FGF14: variants seen among roughly 807,000 people sequenced by gnomAD.
FGF14 encodes the protein fibroblast growth factor homologous factor 4.
In FGF14, 5 loss-of-function variants were observed where a neutral mutation model predicts 25.5. That is an observed-to-expected ratio of 0.20 (90% CI 0.10 to 0.41). The LOEUF is 0.41. Ranked by LOEUF, FGF14 falls within the 10% of genes least tolerant of loss-of-function variation. The probability of loss-of-function intolerance (pLI) is 1.00; values close to 1 mark genes in which losing one functional copy is unlikely to be tolerated. For missense variants in FGF14, 222 were observed against 320.1 expected, an observed-to-expected ratio of 0.69 and a Z score of 2.34; for synonymous variants, 138 against 118.3, an observed-to-expected ratio of 1.17 and a Z score of -1.08.
rs921200055 is a variant in FGF14 at position 102,105,759 on chromosome 13, C to T, written c.209-230463G>A. On this transcript the variant is annotated intron_variant, in intron 1 of 4. Transcript: ENST00000376131. ...AGCGGAAAAAATTAAATAGGAACTG[C>T]CTGTCATTTTGTAAACTCAATTTTC... Among the ~76,000 whole-genome samples the T allele has an allele frequency of 2.6e-5, 4 of 152,270 alleles. No homozygotes were observed. The East Asian group carries it at 5.8e-4, about 22-fold the overall frequency.
Position 102,400,675 on chromosome 13 carries a change from C to A in FGF14, c.208+796G>T, listed in dbSNP as rs745709787. Among the ~76,000 whole-genome samples, 29 of 152,214 alleles carry A rather than the reference C, an allele frequency of 1.9e-4. No individual in the cohort carries two copies. The highest frequency in any genetic ancestry group is 3.1e-4 in the Non-Finnish European group (21 of 68,032). The stretch of plus-strand genomic sequence containing the variant: ...GTTGGAGCCCTTTGGAATCGGGGCG[C>A]ATGATCACCAGTAGGCTTAAAAGCA... On this transcript the variant is annotated intron_variant, in intron 1 of 4. Transcript: ENST00000376131. The surrounding 1 kb of genome is among the most constrained non-coding windows in gnomAD (Gnocchi z 4.3).
chr13:102,016,577 G>T (rs1046078980), intron 1 of FGF14, among the ~76,000 whole-genome samples: 11 of 151,998 alleles, frequency 7.2e-5, no homozygotes, highest in African/African-American at 2.7e-4. Context: ...TTTTCCAAAG[G>T]CAAAAGATTT....
chr13:102,042,154 T>C (rs1346220755), intron 1 of FGF14, among the ~76,000 whole-genome samples: 1 of 152,164 alleles, frequency 6.6e-6, no homozygotes, highest in African/African-American at 2.4e-5. Context: ...ACCTAGCACA[T>C]GATAGGAACT....
At chr13:102,296,843 G>C (rs1379096688) in intron 1 of FGF14, among the ~76,000 whole-genome samples, 1 of 152,200 alleles carries the variant, frequency 6.6e-6, no homozygotes. Context: ...TCCTCATAAA[G>C]AGGCCAAACT....
chr13:101,786,085 G>A (rs1034271133), intron 3 of FGF14, among the ~76,000 whole-genome samples: 5 of 152,126 alleles, frequency 3.3e-5, no homozygotes, highest in Non-Finnish European at 7.4e-5. Context: ...AACAAACAGC[G>A]CTGGCTGCTC....
intron 1 of FGF14, among the ~76,000 whole-genome samples, chr13:102,073,755 A>G (rs1012026233): frequency 2.6e-5 from 4 of 152,344 alleles, no homozygotes; most frequent in African/African-American, 7.2e-5. Context: ...CTATGATTAT[A>G]CTTGCATTAA....
intron 1 of FGF14, among the ~76,000 whole-genome samples, chr13:102,228,936 C>T (rs763173354): frequency 6.6e-6 from 1 of 152,160 alleles, no homozygotes; most frequent in Non-Finnish European, 1.5e-5. Context: ...ACATACAGTT[C>T]TCAAGACTAC....
At chr13:102,101,992 C>T (rs2044685729) in intron 1 of FGF14, among the ~76,000 whole-genome samples, 1 of 152,148 alleles carries the variant, frequency 6.6e-6, no homozygotes, top group South Asian at 2.1e-4. Context: ...CGTGAGCCAC[C>T]ACACCCAGCC....
chr13:102,292,305 A>AAAAAAC (rs199609949), intron 1 of FGF14: 1 of 130,670 alleles, frequency 7.7e-6, no homozygotes, highest in Non-Finnish European at 1.6e-5. Context: ...AAAAAAAAAA[A>AAAAAAC]CTGACAATTT....
intron 1 of FGF14, among the ~76,000 whole-genome samples, chr13:101,960,828 A>G (rs1399661151): frequency 6.6e-6 from 1 of 152,068 alleles, no homozygotes; most frequent in Non-Finnish European, 1.5e-5. Context: ...AAGTATTCCT[A>G]TTTCTCCTCA....
chr13:101,986,902 GTCTT>G lies in FGF14; in HGVS notation c.209-111610_209-111607del, dbSNP rs1217374614. On this transcript the variant is annotated intron_variant, in intron 1 of 4. Coordinates refer to the FGF14 transcript ENST00000376131. ...CACTCTTGTCTGTCTCTTTGTCTCT[GTCTT>G]TCTCTATGTATACACACACATGTAT... Among the ~76,000 whole-genome samples the G allele has an allele frequency of 6.7e-5, 10 of 150,196 alleles. No individual in the cohort carries two copies. In the East Asian group the frequency reaches 8.0e-4, roughly 12 times the overall value.
chr13:102,398,726 T>C (rs541417424), intron 1 of FGF14, among the ~76,000 whole-genome samples: 4 of 152,056 alleles, frequency 2.6e-5, no homozygotes, highest in Non-Finnish European at 4.4e-5. Context: ...GATTTTAGGC[T>C]TTATGTTACT....
chr13:101,814,907 G>A (rs2984834), intron 3 of FGF14, among the ~76,000 whole-genome samples: 65,343 of 151,956 alleles, frequency 0.43, 14,538 homozygotes, highest in East Asian at 0.74. Context: ...AGTATTAATT[G>A]GCAGTCAGAT....
intron 1 of FGF14, among the ~76,000 whole-genome samples, chr13:102,006,030 T>C (rs1477518863): frequency 1.3e-5 from 2 of 152,208 alleles, no homozygotes; most frequent in Non-Finnish European, 2.9e-5. Flanking sequence ...ACTTCTCCAG[T>C]TGTCTATCTA....
In FGF14 at chr13:102,325,397, CCATT is replaced by C. The variant is rs551498212; in HGVS notation, c.208+76070_208+76073del. Among the ~76,000 whole-genome samples, 49 of 152,202 alleles carry C rather than the reference CCATT, an allele frequency of 3.2e-4. 1 individual carries two copies. The East Asian group carries it at 8.5e-3, about 26-fold the overall frequency. On this transcript the variant is annotated intron_variant, in intron 1 of 4. Transcript: ENST00000376131. ...ACAGTCTTTACAATATTGCTTGGGGCCATTCAAAGACTGTACTTCCTTTTCATGA... is the reference window on the plus strand; with the variant it reads ...ACAGTCTTTACAATATTGCTTGGGGCCAAAGACTGTACTTCCTTTTCATGA...
At chr13:102,209,971 C>A (rs61965272) in intron 1 of FGF14, among the ~76,000 whole-genome samples, 1 of 151,836 alleles carries the variant, frequency 6.6e-6, no homozygotes, top group Non-Finnish European at 1.5e-5. Flanking sequence ...TAATATTGAG[C>A]CTTTTCTCAT....
chr13:101,734,205 G>C (rs2036018289), intron 3 of FGF14, among the ~76,000 whole-genome samples: 1 of 151,762 alleles, frequency 6.6e-6, no homozygotes, highest in Non-Finnish European at 1.5e-5. Flanking sequence ...ATTAAAATTG[G>C]GACATATTGG....
intron 2 of FGF14, among the ~76,000 whole-genome samples, chr13:101,873,160 A>G (rs1441998127): frequency 6.6e-6 from 1 of 152,148 alleles, no homozygotes; most frequent in Non-Finnish European, 1.5e-5. Context: ...CTGCACTTCC[A>G]TATTTAGAAA....
chr13:102,310,685 C>CTCTCTCTGTG (rs369697906), intron 1 of FGF14, among the ~76,000 whole-genome samples: 1 of 6,856 alleles, frequency 1.5e-4, no homozygotes, highest in African/African-American at 6.6e-4. Context: ...CTCTCTCTCT[C>CTCTCTCTGTG]TGTGTGTGTG....
Sources: allele counts gnomAD v4.1 joint callset (sites outside exome capture counted in the v4.1 genomes callset), GRCh38; gene constraint gnomAD v4.1.1; non-coding constraint Gnocchi (gnomAD v3.1); transcripts MANE v1.5; gene names NCBI Gene and HGNC (gene_info 2026-07-23, HGNC 2026-07-21).